Variants in VAV2 observed in about 807,000 individuals in gnomAD.
VAV2 encodes the protein vav guanine nucleotide exchange factor 2.
Under a neutral mutation model 132.5 loss-of-function variants are expected in VAV2, and 67 were observed. That is an observed-to-expected ratio of 0.51 (90% CI 0.42 to 0.62). VAV2 has a LOEUF of 0.62. Among genes scored for constraint, VAV2 ranks in the 20% least tolerant of loss-of-function variants. The probability of loss-of-function intolerance (pLI) is 0.00; values close to 1 mark genes in which losing one functional copy is unlikely to be tolerated. For missense variants in VAV2, 938 were observed against 1,153.6 expected (o/e 0.81, Z 2.71); for synonymous variants, 492 against 443.5 (o/e 1.11, Z -1.37).
chr9:133,981,522 G>A (rs577608930), intron 1 of VAV2, among the ~76,000 whole-genome samples: 6 of 152,348 alleles, frequency 3.9e-5, no homozygotes, highest in East Asian at 1.9e-4. Flanking sequence ...GGAGTGAGCC[G>A]CCGGGCTCGG....
At chr9:133,976,019 A>G (rs971504467) in intron 1 of VAV2, among the ~76,000 whole-genome samples, 4 of 146,656 alleles carry the variant, frequency 2.7e-5, no homozygotes, top group Non-Finnish European at 1.5e-5. Flanking sequence ...AAGATGGTAA[A>G]ACCCCATCTC....
intron 12 of VAV2, among the ~76,000 whole-genome samples, chr9:133,792,083 CAGCATGTGTGTGTGAGCG>C (rs1385526934): frequency 9.6e-5 from 10 of 103,668 alleles, no homozygotes; most frequent in African/African-American, 3.6e-4. Context: ...GTGTGTGAGA[CAGCATGTGTGTGTGAGCG>C]GGCTGTACTG....
Position 133,883,591 on chromosome 9 carries a change from G to A in VAV2, c.322-22159C>T, listed in dbSNP as rs1439981849. Among the ~76,000 whole-genome samples the A allele has an allele frequency of 7.2e-5, 11 of 152,318 alleles. No individual in the cohort carries two copies. The South Asian group carries it at 1.0e-3, about 14-fold the overall frequency. On this transcript the variant is annotated intron_variant, in intron 2 of 29. Coordinates refer to ENST00000371850, the MANE Select transcript of VAV2 (RefSeq NM_001134398.2). This position sits in a 1 kb window ranked among gnomAD's most constrained non-coding sequence, Gnocchi z 4.2. ...AGACTCCCAAGTCATCCCCAGCCAC[G>A]GCAGGCAGGCGGCCCAGCAGCAGGC...
At chr9:133,816,585 G>A (rs890909086) in intron 4 of VAV2, among the ~76,000 whole-genome samples, 15 of 152,176 alleles carry the variant, frequency 9.9e-5, no homozygotes, top group African/African-American at 2.2e-4. Flanking sequence ...CCTCTTTTTC[G>A]AGCAGGGCAT....
chr9:133,863,759 G>A lies in VAV2; in HGVS notation c.322-2327C>T, dbSNP rs1229784804. On this transcript the variant is annotated intron_variant, in intron 2 of 29. Transcript: ENST00000371850. The surrounding 1 kb of genome is among the most constrained non-coding windows in gnomAD (Gnocchi z 5.0). ...TTCCTAGCTGGCACTGGGGATGGGG[G>A]GAAGCTCAGAAGTCCACCACGGGGA... is the stretch of plus-strand genomic sequence containing the variant. Among the ~76,000 whole-genome samples the A allele has an allele frequency of 6.6e-6, 1 of 152,182 alleles. No individual in the cohort carries two copies. The highest frequency in any genetic ancestry group is 1.5e-5 in the Non-Finnish European group (1 of 68,026).
At chr9:133,775,216 G>T (rs1278341557) in intron 24 of VAV2, among the ~76,000 whole-genome samples, 165 bp from the exon 25 acceptor site, 1 of 152,184 alleles carries the variant, frequency 6.6e-6, no homozygotes, top group Non-Finnish European at 1.5e-5. Context: ...TATGAGCGGG[G>T]CACCACTGTG....
intron 2 of VAV2, among the ~76,000 whole-genome samples, chr9:133,871,443 TGGATGGATGGATGGATGGAGAAGC>T (rs1307006826): frequency 1.2e-4 from 17 of 144,926 alleles, no homozygotes; most frequent in Admixed American, 2.7e-4. Context: ...GATTGATTGA[TGGATGGATGGATGGATGGAGAAGC>T]GGATGGATGG....
chr9:133,812,338 C>G (rs948200062), intron 4 of VAV2, 122 bp from the exon 5 acceptor site: 2 of 873,934 alleles, frequency 2.3e-6, no homozygotes, highest in South Asian at 1.5e-5. Context: ...GTCACCTGCC[C>G]GGGCCTCAGT....
intron 5 of VAV2, among the ~76,000 whole-genome samples, chr9:133,811,635 C>T (rs1041580424): frequency 4.6e-5 from 7 of 152,214 alleles, no homozygotes; most frequent in African/African-American, 1.7e-4. Context: ...AAATAAACAT[C>T]CTCCAAACAT....
chr9:133,961,237 T>C lies in VAV2; in HGVS notation c.205-22018A>G, dbSNP rs1841956395. On this transcript the variant is annotated intron_variant, in intron 1 of 29. Transcript: ENST00000371850. The surrounding 1 kb of genome is among the most constrained non-coding windows in gnomAD (Gnocchi z 4.1). ...TCAACCTTTTGATCTCAGAGGAGTG[T>C]CCATTAAGAGTAGGGTTCCTCACTC... 6.6e-6 allele frequency among the ~76,000 whole-genome samples: 1 copy of C among 152,074 alleles called. No homozygotes were observed. Among genetic ancestry groups the C allele is most frequent in the South Asian group, 2.1e-4 (1 of 4,820 alleles).
chr9:133,793,073 C>T (rs1190969592), intron 12 of VAV2, among the ~76,000 whole-genome samples: 1 of 152,106 alleles, frequency 6.6e-6, no homozygotes, highest in African/African-American at 2.4e-5. Context: ...CCCCTTGGAG[C>T]CTGGACAGAA....
intron 2 of VAV2, among the ~76,000 whole-genome samples, chr9:133,910,302 G>A (rs1839831944): frequency 6.6e-6 from 1 of 152,172 alleles, no homozygotes; most frequent in South Asian, 2.1e-4. Flanking sequence ...AAACCCTGGT[G>A]AGTTTCGGCT....
At chr9:133,904,950 G>A (rs1278347240) in intron 2 of VAV2, among the ~76,000 whole-genome samples, 3 of 152,266 alleles carry the variant, frequency 2.0e-5, no homozygotes, top group Non-Finnish European at 2.9e-5. Flanking sequence ...TTGGGGCCCT[G>A]GCAGGGAGGG....
intron 4 of VAV2, among the ~76,000 whole-genome samples, chr9:133,819,373 C>A (rs1228547822): frequency 6.6e-6 from 1 of 151,572 alleles, no homozygotes; most frequent in Non-Finnish European, 1.5e-5. Context: ...GGCGTGAACC[C>A]AGGAGGTGGA....
Position 133,992,304 on chromosome 9 carries a change from G to C in VAV2, c.-26C>G. Reference sequence around the variant, plus strand: ...GGCGCCCGCGGGCCCGACCGGCTCAGGGCAGTGCTCGAGCCAAAGTGCAGC... The same window carrying C: ...GGCGCCCGCGGGCCCGACCGGCTCACGGCAGTGCTCGAGCCAAAGTGCAGC... On this transcript the variant is annotated 5_prime_UTR_variant, in exon 1 of 30. Transcript: ENST00000371850. This position sits in a 1 kb window ranked among gnomAD's most constrained non-coding sequence, Gnocchi z 5.5. 1 of 1,381,390 alleles carries C rather than the reference G, an allele frequency of 7.2e-7. No individual in the cohort carries two copies. Among genetic ancestry groups the C allele is most frequent in the Non-Finnish European group, 9.5e-7 (1 of 1,057,788 alleles). The allele number at this position is 1,381,390 out of a possible 1,614,324, so 85.6% of individuals were successfully genotyped here. A position where few individuals can be genotyped will look rare whatever the true frequency, so the allele number is the denominator to read the frequency against.
rs937038518 is a variant in VAV2 at position 133,918,178 on chromosome 9, T to G, written c.321+20925A>C. On this transcript the variant is annotated intron_variant, in intron 2 of 29. Coordinates refer to ENST00000371850, the MANE Select transcript of VAV2 (RefSeq NM_001134398.2). The surrounding 1 kb of genome is among the most constrained non-coding windows in gnomAD (Gnocchi z 4.7). ...ACTTGAAAGGCATCTCAGGGTGGTT[T>G]CCTCCAGTGACATTAATAGGGAAAC... Among the ~76,000 whole-genome samples, 1 of 152,226 alleles carries G rather than the reference T, an allele frequency of 6.6e-6. No individual in the cohort carries two copies. Among genetic ancestry groups the G allele is most frequent in the African/African-American group, 2.4e-5 (1 of 41,454 alleles).
intron 2 of VAV2, among the ~76,000 whole-genome samples, chr9:133,905,198 G>T (rs531858072): frequency 7.9e-5 from 12 of 152,132 alleles, no homozygotes; most frequent in Middle Eastern, 3.4e-3. Context: ...GAAGGCCAAG[G>T]CGGGTGGATC....
chr9:133,795,798 C>T (rs1834689171), intron 11 of VAV2, 62 bp from the exon 12 acceptor site: 1 of 1,568,316 alleles, frequency 6.4e-7, no homozygotes, highest in Admixed American at 1.7e-5. Flanking sequence ...TGCCCTGGCC[C>T]CTACCTGGGG....
chr9:133,929,761 T>G (rs1840611647), intron 2 of VAV2, among the ~76,000 whole-genome samples: 1 of 151,892 alleles, frequency 6.6e-6, no homozygotes, highest in Non-Finnish European at 1.5e-5. Context: ...ATGCGGCCTG[T>G]CCCCACCACC....
Sources: allele counts gnomAD v4.1 joint callset (sites outside exome capture counted in the v4.1 genomes callset), GRCh38; gene constraint gnomAD v4.1.1; non-coding constraint Gnocchi (gnomAD v3.1); transcripts MANE v1.5; gene names NCBI Gene and HGNC (gene_info 2026-07-23, HGNC 2026-07-21).